The following COL27A1 variants were observed in gnomAD, a reference collection of about 807,000 sequenced individuals.
The protein encoded by COL27A1 is collagen alpha-1(XXVII) chain.
A neutral mutation model predicts 251.3 loss-of-function variants in COL27A1; 106 were observed. The observed-to-expected ratio is 0.42, with a 90% confidence interval of 0.36 to 0.50. The LOEUF (loss-of-function observed/expected upper bound fraction) is 0.50. Among genes scored for constraint, COL27A1 ranks in the 20% least tolerant of loss-of-function variants. COL27A1 has a pLI of 0.00. For missense variants in COL27A1, 2,325 were observed against 2,522.8 expected (o/e 0.92, Z 1.68); for synonymous variants, 1,000 against 986.3 (o/e 1.01, Z -0.26).
At chr9:114,275,901 T>G (rs191004072) in intron 37 of COL27A1, 133 bp downstream of exon 37, 606 of 612,868 alleles carry the variant, frequency 9.9e-4, no homozygotes, top group Non-Finnish European at 1.5e-3. Flanking sequence ...TTTCTCCACC[T>G]GGCAGTTTGC....
At chr9:114,278,343 G>GT (rs1835639083) in intron 37 of COL27A1, among the ~76,000 whole-genome samples, 1 of 129,188 alleles carries the variant, frequency 7.7e-6, no homozygotes. Flanking sequence ...GGTGGTGCTG[G>GT]TGCTGGTGGC....
rs1028021089 is a variant in COL27A1, at chr9:114,232,954, C to G, written c.2565+1088C>G. ...GGCGTGGTCGTGGGTGCCTGTAATC[C>G]CAGCTACTTGGGAGGCTGAGGCAGG... On this transcript the variant is annotated intron_variant, in intron 16 of 60. Transcript: ENST00000356083. Among the ~76,000 whole-genome samples the G allele has an allele frequency of 5.9e-5, 9 of 152,162 alleles. No homozygotes were observed. In the South Asian group the frequency reaches 1.7e-3, roughly 28 times the overall value.
At position 114,311,548 on chromosome 9, in the gene COL27A1, G is replaced by GAAAAAAAAAAAAAAAAAGAA. The variant is rs1829450933; in HGVS notation, c.*871_*872insAAAAAAAAAAAAAAAAAAAG. On this transcript the variant is annotated 3_prime_UTR_variant, in exon 61 of 61. Transcript: ENST00000356083. ...AGGAGGAAAAAAGAAAAGAAAAAAG[G>GAAAAAAAAAAAAAAAAAGAA]AAAAAAAAAAAAAAAAAGCAAAACA... 4 of 96,222 alleles carry GAAAAAAAAAAAAAAAAAGAA rather than the reference G, an allele frequency of 4.2e-5. No individual in the cohort carries two copies. The highest frequency in any genetic ancestry group is 1.4e-4 in the African/African-American group (4 of 29,318). 6.0% of individuals were successfully genotyped at this position (96,222 alleles called of 1,614,324 possible). A position where few individuals can be genotyped will look rare whatever the true frequency, so the allele number is the denominator to read the frequency against.
chr9:114,222,785 G>C (rs556775410), intron 14 of COL27A1, among the ~76,000 whole-genome samples: 259 of 152,200 alleles, frequency 1.7e-3, no homozygotes, highest in Non-Finnish European at 3.1e-3. Flanking sequence ...CATCCTGGCT[G>C]TGTGACCTGG....
intron 41 of COL27A1, among the ~76,000 whole-genome samples, chr9:114,287,682 A>G (rs967540541): frequency 1.8e-4 from 28 of 152,266 alleles, no homozygotes; most frequent in African/African-American, 6.7e-4. Flanking sequence ...GAGGCGCTCC[A>G]GTCCCGCTCT....
intron 2 of COL27A1, among the ~76,000 whole-genome samples, chr9:114,164,741 T>TA (rs1412161899): frequency 6.6e-6 from 1 of 152,200 alleles, no homozygotes; most frequent in African/African-American, 2.4e-5. Flanking sequence ...TATTTCATGA[T>TA]AATAAGAGGG....
chr9:114,231,970 T>A, intron 16 of COL27A1, 104 bp downstream of exon 16: 1 of 1,062,048 alleles, frequency 9.4e-7, no homozygotes, highest in Non-Finnish European at 1.5e-6. Flanking sequence ...TCCCCTGCAC[T>A]CTTCCTGCCT....
intron 5 of COL27A1, among the ~76,000 whole-genome samples, chr9:114,193,158 A>C (rs1428980845): frequency 6.6e-6 from 1 of 152,060 alleles, no homozygotes; most frequent in Non-Finnish European, 1.5e-5. Context: ...TGAGGCAGGG[A>C]GGGGAGAGGG....
chr9:114,183,655 G>A (rs1828116192), intron 5 of COL27A1, among the ~76,000 whole-genome samples: 1 of 152,070 alleles, frequency 6.6e-6, no homozygotes. Flanking sequence ...GTTAGCCTTG[G>A]GGACTGAACT....
At position 114,237,671 on chromosome 9, in the gene COL27A1, G is replaced by A. The variant is rs1220718640; in HGVS notation, c.2683G>A (p.Gly895Arg). ...RGKPGPLGKV[G>R]DKGSIGFPGP... Reference sequence around the variant, plus strand: ...CTCTTCTCTTCCACAGGGCAAAGTCGGAGACAAAGGATCCATTGGGTTTCC... The same window carrying A: ...CTCTTCTCTTCCACAGGGCAAAGTCAGAGACAAAGGATCCATTGGGTTTCC... Residue 895 changes from glycine (G) to arginine (R), a missense_variant, in exon 19 of 61, where the codon GGA (glycine) becomes AGA (arginine). Transcript: ENST00000356083. 3 of 1,614,080 alleles carry A rather than the reference G, an allele frequency of 1.9e-6. No individual in the cohort carries two copies. The highest frequency in any genetic ancestry group is 1.7e-6 in the Non-Finnish European group (2 of 1,179,978).
intron 28 of COL27A1, among the ~76,000 whole-genome samples, chr9:114,259,973 T>G (rs1834199240): frequency 7.0e-6 from 1 of 142,632 alleles, no homozygotes; most frequent in Admixed American, 7.0e-5. Flanking sequence ...GCAGGGTCCC[T>G]CCGGTGCCCA....
intron 49 of COL27A1, among the ~76,000 whole-genome samples, chr9:114,293,062 G>T (rs1828029024): frequency 6.6e-6 from 1 of 152,158 alleles, no homozygotes; most frequent in African/African-American, 2.4e-5. Context: ...GATCAGTAAG[G>T]ATGTCTTGAA....
At chr9:114,262,627 C>G in intron 28 of COL27A1, among the ~76,000 whole-genome samples, 1 of 152,214 alleles carries the variant, frequency 6.6e-6, no homozygotes, top group East Asian at 1.9e-4. Flanking sequence ...TTTCTTGTGC[C>G]CATTTCAGAA....
At chr9:114,288,408 T>C in intron 41 of COL27A1, 47 bp from the exon 42 acceptor site, 1 of 1,588,358 alleles carries the variant, frequency 6.3e-7, no homozygotes, top group Non-Finnish European at 8.6e-7. Context: ...TTCCCCACAT[T>C]CCCCAGGAGC....
At chr9:114,180,005 T>C (rs905964508) in intron 4 of COL27A1, among the ~76,000 whole-genome samples, 1 of 151,884 alleles carries the variant, frequency 6.6e-6, no homozygotes, top group Non-Finnish European at 1.5e-5. Flanking sequence ...GGCCCAGCTA[T>C]TTTTTCGTAT....
chr9:114,173,432 A>C (rs764406025), intron 3 of COL27A1, among the ~76,000 whole-genome samples: 5 of 152,198 alleles, frequency 3.3e-5, no homozygotes, highest in Non-Finnish European at 4.4e-5. Flanking sequence ...GTTACCCAGA[A>C]CTCTCCTGCC....
At chr9:114,269,006 T>TTGGTGG in intron 34 of COL27A1, 1 of 501,384 alleles carries the variant, frequency 2.0e-6, no homozygotes, top group Non-Finnish European at 3.5e-6. Flanking sequence ...GATGATGGTG[T>TTGGTGG]TGGTGCTAAT....
chr9:114,290,674 A>G lies in COL27A1; in HGVS notation c.4369-136A>G. 3.0e-6 allele frequency: 2 copies of G among 664,424 alleles called. No individual in the cohort carries two copies. Among genetic ancestry groups the G allele is most frequent in the Non-Finnish European group, 5.2e-6 (2 of 384,538 alleles). The allele number at this position is 664,424 out of a possible 1,614,324, so 41.2% of individuals were successfully genotyped here. On this transcript the variant is annotated intron_variant, in intron 47 of 60. Transcript: ENST00000356083. The surrounding 1 kb of genome is among the most constrained non-coding windows in gnomAD (Gnocchi z 4.6). Reference sequence around the variant, plus strand: ...CTCCTGGTCCAGCCACATCACACACAGGCCGTCTGACCTCCATCCTGGAGT... The same window carrying G: ...CTCCTGGTCCAGCCACATCACACACGGGCCGTCTGACCTCCATCCTGGAGT...
At chr9:114,300,879 T>A (rs1473241946) in intron 51 of COL27A1, among the ~76,000 whole-genome samples, 192 bp downstream of exon 51, 11 of 152,164 alleles carry the variant, frequency 7.2e-5, no homozygotes, top group Admixed American at 7.2e-4. Context: ...CTTTCACTCT[T>A]GCCCCCATCG....
Sources: gnomAD v4.1 joint callset for allele counts (sites outside exome capture counted in the v4.1 genomes callset) on GRCh38, gnomAD v4.1.1 for gene constraint, Gnocchi (gnomAD v3.1) non-coding constraint, MANE v1.5 for transcripts, NCBI Gene and HGNC (gene_info 2026-07-23, HGNC 2026-07-21) for gene names.